PDE1A: variants seen among roughly 807,000 people sequenced by gnomAD.
PDE1A encodes phosphodiesterase 1A.
PDE1A carries 35 observed loss-of-function variants against 61.7 expected under a neutral mutation model. The ratio of observed to expected loss-of-function variants is 0.57; its 90% CI spans 0.43 to 0.75. PDE1A has a LOEUF of 0.75. Ranked by LOEUF, PDE1A falls within the 30% of genes least tolerant of loss-of-function variation. PDE1A has a pLI of 0.00. For missense variants in PDE1A, 597 were observed against 630.6 expected (o/e 0.95, Z 0.57); for synonymous variants, 232 against 213.2 (o/e 1.09, Z -0.77).
At chr2:182,672,542 G>C in the PDE1A span, among the ~76,000 whole-genome samples, 9 of 152,124 alleles carry the variant, frequency 5.9e-5, no homozygotes, top group Non-Finnish European at 8.8e-5. Flanking sequence ...AAAGAGACAG[G>C]GTAGAAAAAA....
the PDE1A span, among the ~76,000 whole-genome samples, chr2:182,550,906 CTGTTCA>C: frequency 6.6e-6 from 1 of 152,090 alleles, no homozygotes; most frequent in Non-Finnish European, 1.5e-5. Context: ...TATGTAAGTT[CTGTTCA>C]CATTCCTTTA....
chr2:182,141,614 T>A (rs928127529), exon 15 of PDE1A: 6 of 152,348 alleles, frequency 3.9e-5, no homozygotes, highest in Admixed American at 2.6e-4. Context: ...AATATGCATA[T>A]AGAATATGGC....
chr2:182,311,410 G>A (rs1212088471), intron 1 of PDE1A, among the ~76,000 whole-genome samples: 1 of 152,188 alleles, frequency 6.6e-6, no homozygotes. Flanking sequence ...AGATCAATAA[G>A]TTTTAGCAAA....
the PDE1A span, among the ~76,000 whole-genome samples, chr2:182,688,418 C>T: frequency 6.6e-6 from 1 of 152,138 alleles, no homozygotes; most frequent in Non-Finnish European, 1.5e-5. Context: ...AGTTCATATC[C>T]AGCCAAACTA....
chr2:182,366,686 G>A (rs1408534854), intron 1 of PDE1A, among the ~76,000 whole-genome samples: 11 of 151,944 alleles, frequency 7.2e-5, no homozygotes. Flanking sequence ...CTTTATTTTG[G>A]GACATTAGCT....
chr2:182,391,907 C>A (rs1325185235), intron 1 of PDE1A, among the ~76,000 whole-genome samples: 1 of 152,158 alleles, frequency 6.6e-6, no homozygotes, highest in Non-Finnish European at 1.5e-5. Flanking sequence ...GGACAAAAAA[C>A]TAATTTTAAT....
chr2:182,524,637 TA>T (rs1342463841), upstream of PDE1A, among the ~76,000 whole-genome samples: 3 of 152,128 alleles, frequency 2.0e-5, no homozygotes, highest in Non-Finnish European at 4.4e-5. Context: ...AATAGCTTAT[TA>T]TTTAAATCCT....
upstream of PDE1A, among the ~76,000 whole-genome samples, chr2:182,524,293 AATT>A (rs1357852000): frequency 6.6e-6 from 1 of 152,138 alleles, no homozygotes; most frequent in Non-Finnish European, 1.5e-5. Context: ...AGTACTCTAT[AATT>A]ATTATTTTAT....
At chr2:182,395,642 G>A (rs998872740) in intron 1 of PDE1A, among the ~76,000 whole-genome samples, 2 of 152,180 alleles carry the variant, frequency 1.3e-5, no homozygotes, top group East Asian at 1.9e-4. Context: ...AATTTTGAGT[G>A]AGGTCCAGAG....
chr2:182,253,928 T>C (rs1691586979), intron 2 of PDE1A, among the ~76,000 whole-genome samples: 1 of 152,226 alleles, frequency 6.6e-6, no homozygotes, highest in Non-Finnish European at 1.5e-5. Context: ...TTGAGAATTA[T>C]ATGAAATCAT....
chr2:182,198,332 A>G (rs2125454901), intron 10 of PDE1A, among the ~76,000 whole-genome samples: 1 of 151,882 alleles, frequency 6.6e-6, no homozygotes, highest in South Asian at 2.1e-4. Flanking sequence ...AGTTTTATTT[A>G]TTTTTATTCA....
At chr2:182,367,286 C>G (rs373600138) in intron 1 of PDE1A, among the ~76,000 whole-genome samples, 15 of 151,948 alleles carry the variant, frequency 9.9e-5, no homozygotes, top group Admixed American at 7.9e-4. Context: ...TATTTAGTCT[C>G]TTATGACTAG....
chr2:182,146,630 G>T (rs1234083306), downstream of PDE1A, among the ~76,000 whole-genome samples: 1 of 151,926 alleles, frequency 6.6e-6, no homozygotes, highest in Non-Finnish European at 1.5e-5. Flanking sequence ...GATTACAGGT[G>T]CCTGCCACCA....
chr2:182,449,197 G>T, intron 2 of PDE1A, among the ~76,000 whole-genome samples: 1 of 151,494 alleles, frequency 6.6e-6, no homozygotes, highest in East Asian at 1.9e-4. Context: ...AACTGTGGAA[G>T]TATCCTTCCC....
intron 1 of PDE1A, among the ~76,000 whole-genome samples, chr2:182,322,971 G>A (rs1696794099): frequency 6.6e-6 from 1 of 152,072 alleles, no homozygotes; most frequent in Admixed American, 6.6e-5. Context: ...CCTACAAAAT[G>A]AGTTCTTATC....
chr2:182,529,749 A>G, the PDE1A span, among the ~76,000 whole-genome samples: 1 of 152,182 alleles, frequency 6.6e-6, no homozygotes, highest in East Asian at 1.9e-4. Context: ...ATGGTAGTGA[A>G]TAAGTCTCAA....
intron 1 of PDE1A, among the ~76,000 whole-genome samples, chr2:182,311,742 A>G (rs2623430): frequency 0.93 from 141,460 of 152,208 alleles, 66,364 homozygotes; most frequent in East Asian, 0.99. Context: ...GGACATTCAC[A>G]TGTAAGTCTA....
At chr2:182,478,123 C>G (rs192564451) in intron 2 of PDE1A, among the ~76,000 whole-genome samples, 1 of 151,876 alleles carries the variant, frequency 6.6e-6, no homozygotes, top group African/African-American at 2.4e-5. Context: ...CGATCCATTG[C>G]TAAACTTTTT....
At chr2:182,508,794 AT>A (rs1232189993) in intron 2 of PDE1A, among the ~76,000 whole-genome samples, 1 of 111,564 alleles carries the variant, frequency 9.0e-6, no homozygotes, top group Non-Finnish European at 1.9e-5. Context: ...ATTTTATTTT[AT>A]TTTATTTTAT....
Sources: gnomAD v4.1 joint callset for allele counts (sites outside exome capture counted in the v4.1 genomes callset) on GRCh38, gnomAD v4.1.1 for gene constraint, MANE v1.5 for transcripts, NCBI Gene and HGNC (gene_info 2026-07-23, HGNC 2026-07-21) for gene names.